The following CDIN1 variants were observed in gnomAD, a reference collection of about 807,000 sequenced individuals.
The protein encoded by CDIN1 is CDAN1 interacting nuclease 1.
Under a neutral mutation model 45.3 loss-of-function variants are expected in CDIN1, and 33 were observed. The observed-to-expected ratio is 0.73, with a 90% confidence interval of 0.55 to 0.97. The LOEUF (loss-of-function observed/expected upper bound fraction) is 0.97. Among genes scored for constraint, CDIN1 ranks in the 50% least tolerant of loss-of-function variants. The pLI, the probability that CDIN1 is intolerant of heterozygous loss-of-function variation, is 0.00. For missense variants in CDIN1, 303 were observed against 339.4 expected (o/e 0.89, Z 0.84); for synonymous variants, 118 against 124.4 (o/e 0.95, Z 0.34).
intron 10 of CDIN1, among the ~76,000 whole-genome samples, chr15:36,732,141 T>C (rs2140913264): frequency 6.6e-6 from 1 of 152,236 alleles, no homozygotes; most frequent in South Asian, 2.1e-4. Flanking sequence ...CCTTTGCCCC[T>C]CTATAGCCAA....
rs371246498 is a variant in CDIN1 at position 36,600,775 on chromosome 15, T to C, written c.101+20814T>C. Among the ~76,000 whole-genome samples the C allele has an allele frequency of 1.3e-3, 199 of 152,308 alleles. 2 individuals are homozygous for C. The highest frequency in any genetic ancestry group is 3.4e-3 in the Middle Eastern group (1 of 294). On this transcript the variant is annotated intron_variant, in intron 1 of 10. Coordinates refer to ENST00000566621, the MANE Select transcript of CDIN1 (RefSeq NM_001321759.2). ...CTGGGACCATTTATACCAGGAGAAC[T>C]AGTATTGGAGGCATGTTTTCCATCA...
At chr15:36,643,347 T>C (rs1483091990) in intron 1 of CDIN1, among the ~76,000 whole-genome samples, 2 of 152,144 alleles carry the variant, frequency 1.3e-5, no homozygotes, top group African/African-American at 4.8e-5. Context: ...TGTGATGAGC[T>C]TAAGAGATTT....
intron 10 of CDIN1, among the ~76,000 whole-genome samples, chr15:36,716,040 T>C (rs1384889282): frequency 6.6e-6 from 1 of 152,144 alleles, no homozygotes; most frequent in East Asian, 1.9e-4. Context: ...TAGAGTGATA[T>C]TCGTAATAAG....
Position 36,644,334 on chromosome 15 carries a change from T to A in CDIN1, c.147+11T>A. The A allele has an allele frequency of 6.2e-7, 1 of 1,612,416 alleles. No homozygotes were observed. The highest frequency in any genetic ancestry group is 1.3e-5 in the African/African-American group (1 of 74,936). Reference sequence around the variant, plus strand: ...TCCCAGGAGTACCAGGTTAGAAGTTTTCTCCTTTGTGAGGGTTGACAGGTG... The same window carrying A: ...TCCCAGGAGTACCAGGTTAGAAGTTATCTCCTTTGTGAGGGTTGACAGGTG... On this transcript the variant is annotated intron_variant, in intron 2 of 10. Coordinates refer to ENST00000566621, the MANE Select transcript of CDIN1 (RefSeq NM_001321759.2).
intron 5 of CDIN1, among the ~76,000 whole-genome samples, chr15:36,685,566 A>G (rs1480475748): frequency 6.6e-6 from 1 of 152,204 alleles, no homozygotes; most frequent in East Asian, 1.9e-4. Flanking sequence ...AATGGGATCT[A>G]ATTAAACTAA....
chr15:36,703,291 C>CAGAAAGGGATAT (rs2042719768), intron 8 of CDIN1, among the ~76,000 whole-genome samples: 1 of 83,140 alleles, frequency 1.2e-5, no homozygotes, highest in Non-Finnish European at 2.3e-5. Context: ...CAGATATATA[C>CAGAAAGGGATAT]ATATATCAGA....
chr15:36,588,397 T>A (rs2037406551), intron 1 of CDIN1, among the ~76,000 whole-genome samples: 1 of 152,284 alleles, frequency 6.6e-6, no homozygotes, highest in South Asian at 2.1e-4. Context: ...TTGTGGTCAA[T>A]TTTCTACACT....
chr15:36,688,993 G>T (rs1283013898), intron 5 of CDIN1, among the ~76,000 whole-genome samples: 4 of 152,152 alleles, frequency 2.6e-5, no homozygotes, highest in Non-Finnish European at 5.9e-5. Context: ...GAAGAGAAAA[G>T]ACATTTTGTT....
At chr15:36,808,303 T>C in intron 10 of CDIN1, 21 bp from the exon 11 acceptor site, 1 of 1,612,842 alleles carries the variant, frequency 6.2e-7, no homozygotes, top group Non-Finnish European at 8.5e-7. Context: ...GTGTGTGTGT[T>C]ATTTTCTGGT....
intron 10 of CDIN1, among the ~76,000 whole-genome samples, chr15:36,802,045 C>T (rs1466258561): frequency 6.6e-6 from 1 of 152,078 alleles, no homozygotes; most frequent in African/African-American, 2.4e-5. Flanking sequence ...AAATATTTTT[C>T]AGAGTCAAAT....
At chr15:36,606,054 G>C (rs949450611) in intron 1 of CDIN1, among the ~76,000 whole-genome samples, 9 of 151,874 alleles carry the variant, frequency 5.9e-5, no homozygotes, top group Admixed American at 2.0e-4. Flanking sequence ...TTTGACGTGA[G>C]TGTTATCTTA....
At chr15:36,734,943 A>G (rs1412064610) in intron 10 of CDIN1, among the ~76,000 whole-genome samples, 2 of 152,230 alleles carry the variant, frequency 1.3e-5, no homozygotes, top group African/African-American at 2.4e-5. Flanking sequence ...CACTAGATAC[A>G]TAGTACAGGG....
chr15:36,699,795 A>G (rs1430116578), intron 8 of CDIN1, among the ~76,000 whole-genome samples: 8 of 152,198 alleles, frequency 5.3e-5, no homozygotes, highest in African/African-American at 1.2e-4. Flanking sequence ...GTTATGGCAC[A>G]AGATCTAGCC....
chr15:36,645,418 CT>C (rs1198204442), intron 3 of CDIN1, 131 bp downstream of exon 3: 12 of 793,102 alleles, frequency 1.5e-5, no homozygotes, highest in Non-Finnish European at 2.3e-5. Context: ...TTATTCAAAA[CT>C]TTTAGTATGT....
chr15:36,745,357 A>G (rs2044383267), intron 10 of CDIN1, among the ~76,000 whole-genome samples: 1 of 152,182 alleles, frequency 6.6e-6, no homozygotes, highest in African/African-American at 2.4e-5. Flanking sequence ...CTTATTATAT[A>G]TATTTTTAAA....
chr15:36,763,750 CTG>C lies in CDIN1; in HGVS notation c.717-44570_717-44569del, dbSNP rs1316107176. ...CTTCTACATTGTATGTCTGTGTTCT[CTG>C]TGTAGAGTTCAACTCAACCTCAGGC... On this transcript the variant is annotated intron_variant, in intron 10 of 10. Coordinates refer to ENST00000566621, the MANE Select transcript of CDIN1 (RefSeq NM_001321759.2). Among the ~76,000 whole-genome samples the C allele has an allele frequency of 2.0e-5, 3 of 152,160 alleles. No homozygotes were observed. The East Asian group carries it at 5.8e-4, about 29-fold the overall frequency.
At chr15:36,628,460 T>G (rs991344286) in intron 1 of CDIN1, among the ~76,000 whole-genome samples, 4 of 152,224 alleles carry the variant, frequency 2.6e-5, no homozygotes, top group African/African-American at 9.6e-5. Context: ...TTATATTCTT[T>G]CCAATATAGA....
intron 10 of CDIN1, among the ~76,000 whole-genome samples, chr15:36,757,812 G>C (rs910656758): frequency 3.5e-5 from 5 of 142,008 alleles, no homozygotes; most frequent in Admixed American, 3.5e-4. Context: ...CCAGGCCTGA[G>C]TCATTCACCT....
chr15:36,592,940 C>T (rs1595715066), intron 1 of CDIN1, among the ~76,000 whole-genome samples: 1 of 152,098 alleles, frequency 6.6e-6, no homozygotes, highest in Admixed American at 6.5e-5. Flanking sequence ...AAAACTCAAG[C>T]TCAGATGTTA....
Sources: gnomAD v4.1 joint callset for allele counts (sites outside exome capture counted in the v4.1 genomes callset) on GRCh38, gnomAD v4.1.1 for gene constraint, MANE v1.5 for transcripts, NCBI Gene and HGNC (gene_info 2026-07-23, HGNC 2026-07-21) for gene names.